Variants in MSRA observed in about 807,000 individuals in gnomAD.
MSRA encodes the protein methionine sulfoxide reductase A, also known as mitochondrial peptide methionine sulfoxide reductase.
A neutral mutation model predicts 31.3 loss-of-function variants in MSRA; 54 were observed. That is an observed-to-expected ratio of 1.73 (90% CI 1.39 to 2.17). The LOEUF (loss-of-function observed/expected upper bound fraction) is 2.17. Ranked by LOEUF, MSRA falls within the 30% of genes most tolerant of loss-of-function variation. MSRA has a pLI of 0.00. For missense variants in MSRA, 507 were observed against 300.9 expected (o/e 1.69, Z -5.07); for synonymous variants, 169 against 116.5 (o/e 1.45, Z -2.90).
intron 1 of MSRA, among the ~76,000 whole-genome samples, chr8:10,127,057 T>C (rs1489004653): frequency 6.6e-6 from 1 of 152,234 alleles, no homozygotes; most frequent in East Asian, 1.9e-4. Flanking sequence ...GATGACATTC[T>C]GGCGAACATA....
intron 1 of MSRA, among the ~76,000 whole-genome samples, chr8:10,160,219 C>T (rs972342517): frequency 1.3e-5 from 2 of 152,042 alleles, no homozygotes; most frequent in African/African-American, 4.8e-5. Context: ...TAGGATGGGG[C>T]CAGGCACAGT....
In MSRA at chr8:10,226,486, T is replaced by A. The variant is rs183216903; in HGVS notation, c.211+18585T>A. On this transcript the variant is annotated intron_variant, in intron 2 of 5. Transcript: ENST00000317173. ...TCTTAGGATTGAGCTAGAGCTGAGA[T>A]CATTCTACTATATTAATCAACACCT... Among the ~76,000 whole-genome samples the A allele has an allele frequency of 4.0e-3, 604 of 152,314 alleles. 4 individuals carry two copies. The highest frequency in any genetic ancestry group is 0.014 in the African/African-American group (582 of 41,576).
At chr8:10,069,267 C>G (rs1427381133) in intron 1 of MSRA, among the ~76,000 whole-genome samples, 3 of 152,082 alleles carry the variant, frequency 2.0e-5, no homozygotes, top group South Asian at 4.2e-4. Context: ...TCTTGTCTTA[C>G]CACATTAGCT....
intron 1 of MSRA, among the ~76,000 whole-genome samples, chr8:10,118,255 C>T (rs958029223): frequency 3.3e-5 from 5 of 152,134 alleles, no homozygotes; most frequent in African/African-American, 1.2e-4. Context: ...GTAGGAGAGA[C>T]TTGATAATAA....
At chr8:10,337,750 T>C (rs1264270654) in intron 5 of MSRA, 1 of 702,580 alleles carries the variant, frequency 1.4e-6, no homozygotes, top group East Asian at 2.7e-5. Context: ...TGGGGCTCAC[T>C]GCAGCCTCCT....
At chr8:10,157,905 G>T (rs1333579393) in intron 1 of MSRA, among the ~76,000 whole-genome samples, 1 of 151,986 alleles carries the variant, frequency 6.6e-6, no homozygotes, top group Non-Finnish European at 1.5e-5. Context: ...TATTTAATGT[G>T]TACAGTTCAA....
chr8:10,250,722 G>A, intron 3 of MSRA: 1 of 497,062 alleles, frequency 2.0e-6, no homozygotes, highest in Admixed American at 3.4e-5. Context: ...TGTATGGTCT[G>A]CAAAACCTAA....
At chr8:10,202,294 G>A (rs1808567517) in intron 1 of MSRA, among the ~76,000 whole-genome samples, 1 of 152,166 alleles carries the variant, frequency 6.6e-6, no homozygotes, top group South Asian at 2.1e-4. Flanking sequence ...TGGTTTCTAG[G>A]AATAGAGCTG....
chr8:10,137,769 C>A (rs1344507178), intron 1 of MSRA, among the ~76,000 whole-genome samples: 4 of 152,150 alleles, frequency 2.6e-5, no homozygotes, highest in Non-Finnish European at 5.9e-5. Flanking sequence ...CCTGCCCCTT[C>A]CAGGTAACCC....
intron 2 of MSRA, among the ~76,000 whole-genome samples, chr8:10,222,188 A>G (rs1174597485): frequency 6.6e-6 from 1 of 152,136 alleles, no homozygotes; most frequent in Non-Finnish European, 1.5e-5. Flanking sequence ...TCCTAGTTCA[A>G]TACTTTTGGC....
rs908593359 is a variant in MSRA at position 10,054,670 on chromosome 8, C to A, written c.142+12C>A. 3 of 1,508,610 alleles carry A rather than the reference C, an allele frequency of 2.0e-6. No individual in the cohort carries two copies. The highest frequency in any genetic ancestry group is 2.7e-6 in the Non-Finnish European group (3 of 1,123,082). 93.5% of individuals were successfully genotyped at this position (1,508,610 alleles called of 1,614,324 possible). A position where few individuals can be genotyped will look rare whatever the true frequency, so the allele number is the denominator to read the frequency against. ...GACCCCTGTAGCGGGTAAGCACTGG[C>A]CACACGGAAGGCGCGGGCGGCGACG... On this transcript the variant is annotated intron_variant, in intron 1 of 5. Coordinates refer to ENST00000317173, the MANE Select transcript of MSRA (RefSeq NM_012331.5).
Position 10,054,618 on chromosome 8 carries a change from G to T in MSRA, c.102G>T (p.Gln34His). 1 of 1,577,870 alleles carries T rather than the reference G, an allele frequency of 6.3e-7. No homozygotes were observed. Among genetic ancestry groups the T allele is most frequent in the Non-Finnish European group, 8.6e-7 (1 of 1,162,668 alleles). Reference sequence around the variant, plus strand: ...CGGCCTCGAACATCGTCAGCCCCCAGGAGGCCTTGCCGGGCCGGAAGGAAC... The same window carrying T: ...CGGCCTCGAACATCGTCAGCCCCCATGAGGCCTTGCCGGGCCGGAAGGAAC... ...GNSASNIVSP[Q>H]EALPGRKEQT... Residue 34 changes from glutamine to histidine, a missense_variant, in exon 1 of 6, where the codon CAG becomes CAT. By Grantham distance (24) the Gln-to-His change is conservative (BLOSUM62 0). Coordinates refer to ENST00000317173, the MANE Select transcript of MSRA (RefSeq NM_012331.5).
At chr8:10,073,159 G>C (rs1585089201) in intron 1 of MSRA, among the ~76,000 whole-genome samples, 1 of 151,982 alleles carries the variant, frequency 6.6e-6, no homozygotes, top group African/African-American at 2.4e-5. Context: ...TAAAAAAAAA[G>C]TATTGAGAGC....
chr8:10,286,339 G>C (rs1208306650), intron 3 of MSRA, among the ~76,000 whole-genome samples: 1 of 152,146 alleles, frequency 6.6e-6, no homozygotes, highest in Non-Finnish European at 1.5e-5. Flanking sequence ...TTCTGGTGCT[G>C]TTCTCATGAT....
At chr8:10,230,037 TTCA>T (rs1811333048) in intron 2 of MSRA, among the ~76,000 whole-genome samples, 1 of 152,204 alleles carries the variant, frequency 6.6e-6, no homozygotes, top group Non-Finnish European at 1.5e-5. Context: ...CTGTGAAAAT[TTCA>T]AAGTGTTACA....
intron 1 of MSRA, among the ~76,000 whole-genome samples, chr8:10,119,777 A>T (rs968648638): frequency 7.2e-5 from 11 of 152,148 alleles, no homozygotes; most frequent in African/African-American, 2.7e-4. Flanking sequence ...TGCTGGGGTT[A>T]TCTCTCTGGT....
At chr8:10,311,916 G>T (rs1801455483) in intron 4 of MSRA, among the ~76,000 whole-genome samples, 2 of 152,182 alleles carry the variant, frequency 1.3e-5, no homozygotes, top group South Asian at 4.2e-4. Flanking sequence ...GAGCTTGCCT[G>T]AAAAAAACAA....
intron 3 of MSRA, among the ~76,000 whole-genome samples, chr8:10,274,374 G>T (rs185263290): frequency 6.6e-6 from 1 of 152,268 alleles, no homozygotes; most frequent in Admixed American, 6.5e-5. Context: ...ACAGTTATGG[G>T]AAAGCAGATG....
rs887107583 is a variant in MSRA, at chr8:10,417,380, C to T, written c.544-10768C>T. 8.6e-5 allele frequency among the ~76,000 whole-genome samples: 13 copies of T among 150,642 alleles called. No homozygotes were observed. In the Admixed American group the frequency reaches 8.6e-4, roughly 10 times the overall value. On this transcript the variant is annotated intron_variant, in intron 5 of 5. Coordinates refer to ENST00000317173, the MANE Select transcript of MSRA (RefSeq NM_012331.5). ...GGAGCTCCTGTTGCTCCGGGGTCCT[C>T]TTTGGTGTTGAAGAGAAGCACTCAT...
Sources: allele counts gnomAD v4.1 joint callset (sites outside exome capture counted in the v4.1 genomes callset), GRCh38; gene constraint gnomAD v4.1.1; transcripts MANE v1.5; gene names NCBI Gene and HGNC (gene_info 2026-07-23, HGNC 2026-07-21).